The following HMCN2 variants were observed in gnomAD, a reference collection of about 807,000 sequenced individuals.
HMCN2 encodes the protein hemicentin-2.
In HMCN2, 325 loss-of-function variants were observed where a neutral mutation model predicts 377.5. The observed-to-expected ratio is 0.86, with a 90% CI of 0.79 to 0.94. The LOEUF is 0.94. Among genes scored for constraint, HMCN2 ranks in the 40% least tolerant of loss-of-function variants. HMCN2 has a pLI of 0.00. For synonymous variants in HMCN2, 2,007 were observed against 2,046.8 expected (o/e 0.98, Z 0.53); for missense variants, 4,543 against 4,725.3 (o/e 0.96, Z 1.13).
Position 130,306,228 on chromosome 9 carries a change from T to C in HMCN2, c.1916T>C (p.Ile639Thr), listed in dbSNP as rs979218926. The C allele has an allele frequency of 1.1e-5, 5 of 470,446 alleles. No homozygotes were observed. Among genetic ancestry groups the C allele is most frequent in the Non-Finnish European group, 2.2e-5 (5 of 226,888 alleles). The allele number at this position is 470,446 out of a possible 1,614,324, so 29.1% of individuals were successfully genotyped here. A position where few individuals can be genotyped will look rare whatever the true frequency, so the allele number is the denominator to read the frequency against. The change falls in exon 12 of 98, where the codon ATC becomes ACC. Residue 639 changes from isoleucine to threonine, a missense_variant. Physicochemically the swap from Ile to Thr is moderately conservative, Grantham distance 89 (BLOSUM62 -1). Around this residue, in one of 5 missense-constraint regions of HMCN2, gnomAD observed 547 missense variants for 189.9 expected, o/e 2.88. Coordinates refer to ENST00000683500, the MANE Select transcript of HMCN2 (RefSeq NM_001291815.2). ...GCCTCTGGATACCCCACACCCCACA[T>C]CTCCTGGAGCCGTGAGAGCCAAGCC... ...CSASGYPTPH[I>T]SWSRESQALQ...
At chr9:130,297,290 G>C (rs1348182935) in intron 7 of HMCN2, among the ~76,000 whole-genome samples, 1 of 152,142 alleles carries the variant, frequency 6.6e-6, no homozygotes, top group African/African-American at 2.4e-5. Context: ...CCAAGACTGA[G>C]GAAGGTTGGA....
At chr9:130,294,763 G>A (rs1554931309) in intron 4 of HMCN2, 92 bp from the exon 5 acceptor site, 3 of 345,124 alleles carry the variant, frequency 8.7e-6, no homozygotes, top group Admixed American at 3.7e-5. Context: ...GGCCTTGGGC[G>A]ACCTGGAAAG....
intron 4 of HMCN2, among the ~76,000 whole-genome samples, chr9:130,287,710 C>A (rs1464784587): frequency 6.6e-6 from 1 of 152,156 alleles, no homozygotes; most frequent in Non-Finnish European, 1.5e-5. Flanking sequence ...TCCCGATGGC[C>A]ACAGCCTTCC....
chr9:130,389,001 G>A (rs977532103), intron 62 of HMCN2, among the ~76,000 whole-genome samples: 5 of 152,150 alleles, frequency 3.3e-5, no homozygotes, highest in Admixed American at 6.5e-5. Flanking sequence ...CCGTTCCTCC[G>A]CATGACGGCA....
rs1200339171 is a variant in HMCN2 at position 130,394,650 on chromosome 9, G to C, written c.10692+75G>C. The C allele has an allele frequency of 8.7e-7, 1 of 1,143,974 alleles. No homozygotes were observed. Among genetic ancestry groups the C allele is most frequent in the Non-Finnish European group, 1.1e-6 (1 of 886,600 alleles). 70.9% of individuals were successfully genotyped at this position (1,143,974 alleles called of 1,614,324 possible). A position where few individuals can be genotyped will look rare whatever the true frequency, so the allele number is the denominator to read the frequency against. ...AGGGACTGCAGGTTCCCCAGACCCAGTGGGCAGTTGACAAAGTTGGGCTGA... is the reference window on the plus strand; with the variant it reads ...AGGGACTGCAGGTTCCCCAGACCCACTGGGCAGTTGACAAAGTTGGGCTGA... On this transcript the variant is annotated intron_variant, in intron 69 of 97. Transcript: ENST00000683500. The surrounding 1 kb of genome is among the most constrained non-coding windows in gnomAD (Gnocchi z 5.1).
chr9:130,383,445 GGGT>G, intron 56 of HMCN2, 56 bp from the exon 57 acceptor site: 8 of 771,976 alleles, frequency 1.0e-5, no homozygotes, highest in South Asian at 5.9e-5. Flanking sequence ...TCATTCCTGG[GGGT>G]GGTGGTGTCC....
rs961809497 is a variant in HMCN2, at chr9:130,372,284, C to G, written c.7238-10C>G. ...AGCCATGCTTGGGGCCCACGCCCCT[C>G]CCTCCCCAGGTGGCTGGATGCTGAA... On this transcript the variant is annotated splice_polypyrimidine_tract_variant and intron_variant, in intron 46 of 97. Transcript: ENST00000683500. 9.9e-5 allele frequency: 97 copies of G among 977,026 alleles called. No homozygotes were observed. Among genetic ancestry groups the G allele is most frequent in the Non-Finnish European group, 1.1e-4 (94 of 821,964 alleles). 60.5% of individuals were successfully genotyped at this position (977,026 alleles called of 1,614,324 possible). A position where few individuals can be genotyped will look rare whatever the true frequency, so the allele number is the denominator to read the frequency against.
intron 22 of HMCN2, among the ~76,000 whole-genome samples, chr9:130,334,775 C>G: frequency 6.7e-6 from 1 of 149,424 alleles, no homozygotes; most frequent in African/African-American, 2.5e-5. Context: ...CTCTCTCTCT[C>G]TCTCCCTCTT....
Position 130,295,041 on chromosome 9 carries a change from G to C in HMCN2, c.784+15G>C. On this transcript the variant is annotated intron_variant, in intron 5 of 97. Transcript: ENST00000683500. The stretch of plus-strand genomic sequence containing the variant: ...AGATCCGCTGGGTATGGACCACCCC[G>C]GGGCTGGCCTCCTCTTTGGCCCCAA... 2.2e-6 allele frequency: 1 copy of C among 447,330 alleles called. No individual in the cohort carries two copies. Among genetic ancestry groups the C allele is most frequent in the South Asian group, 1.6e-5 (1 of 60,950 alleles). 27.7% of individuals were successfully genotyped at this position (447,330 alleles called of 1,614,324 possible).
chr9:130,304,583 C>A lies in HMCN2; in HGVS notation c.1544-147C>A. The stretch of plus-strand genomic sequence containing the variant: ...CTGATGGTGAGCAGATGCTGGTCAC[C>A]CTATGCTGCTAGCTGACATGTCCTG... On this transcript the variant is annotated intron_variant, in intron 10 of 97. Coordinates refer to ENST00000683500, the MANE Select transcript of HMCN2 (RefSeq NM_001291815.2). The surrounding 1 kb of genome is among the most constrained non-coding windows in gnomAD (Gnocchi z 4.3). 1 of 357,872 alleles carries A rather than the reference C, an allele frequency of 2.8e-6. No individual in the cohort carries two copies. Among genetic ancestry groups the A allele is most frequent in the Non-Finnish European group, 5.6e-6 (1 of 178,316 alleles). 22.2% of individuals were successfully genotyped at this position (357,872 alleles called of 1,614,324 possible).
intron 73 of HMCN2, among the ~76,000 whole-genome samples, chr9:130,397,017 C>T (rs937049755): frequency 1.3e-5 from 2 of 152,206 alleles, no homozygotes; most frequent in Non-Finnish European, 2.9e-5. Context: ...TGACCTTGGC[C>T]TCACAGATGC....
At position 130,391,489 on chromosome 9, in the gene HMCN2, G is replaced by T; in HGVS notation, c.9867G>T (p.Leu3289=). The T allele has an allele frequency of 2.0e-6, 2 of 987,888 alleles. No individual in the cohort carries two copies. Among genetic ancestry groups the T allele is most frequent in the Non-Finnish European group, 2.4e-6 (2 of 830,174 alleles). The allele number at this position is 987,888 out of a possible 1,614,324, so 61.2% of individuals were successfully genotyped here. Reference sequence around the variant, plus strand: ...GCGGCTCCCTGGTGCTAAAAGGCCTGAGGGCCTCGGACGCGGGTGCCTACA... The same window carrying T: ...GCGGCTCCCTGGTGCTAAAAGGCCTTAGGGCCTCGGACGCGGGTGCCTACA... ...LDGGSLVLKG[L]RASDAGAYTC... Residue 3289 remains leucine, a synonymous_variant, in exon 65 of 98, where the codon CTG becomes CTT. Coordinates refer to ENST00000683500, the MANE Select transcript of HMCN2 (RefSeq NM_001291815.2).
At chr9:130,404,635 G>A (rs576039305) in intron 80 of HMCN2, among the ~76,000 whole-genome samples, 29 of 152,374 alleles carry the variant, frequency 1.9e-4, no homozygotes, top group African/African-American at 6.3e-4. Flanking sequence ...GCATGCATGT[G>A]TGTGTGTGTG....
chr9:130,392,526 G>GATGA (rs894034910), intron 66 of HMCN2, among the ~76,000 whole-genome samples: 16 of 152,172 alleles, frequency 1.1e-4, no homozygotes, highest in African/African-American at 3.9e-4. Flanking sequence ...ACTCCAGTGA[G>GATGA]CTCTGAGGGC....
chr9:130,366,575 T>C (rs1008862191), intron 43 of HMCN2, among the ~76,000 whole-genome samples: 17 of 139,706 alleles, frequency 1.2e-4, no homozygotes, highest in Admixed American at 4.1e-4. Context: ...TGCCTCAGCC[T>C]CCTGAGTAGC....
intron 85 of HMCN2, among the ~76,000 whole-genome samples, chr9:130,411,031 CA>C (rs1166010952): frequency 1.3e-5 from 2 of 152,098 alleles, no homozygotes; most frequent in African/African-American, 4.8e-5. Flanking sequence ...TGAAGATGAA[CA>C]CCTGTGGAGA....
intron 59 of HMCN2, 112 bp from the exon 60 acceptor site, chr9:130,385,424 CCTGGGTCTGCGCCAGCCCCCGGGG>C (rs1841968495): frequency 4.5e-6 from 2 of 446,370 alleles, no homozygotes; most frequent in African/African-American, 2.1e-5. Context: ...CTCCACCTCC[CCTGGGTCTGCGCCAGCCCCCGGGG>C]CTGGGTCTGC....
intron 25 of HMCN2, among the ~76,000 whole-genome samples, chr9:130,344,722 C>T (rs934470150): frequency 0.021 from 2,469 of 118,874 alleles, 51 homozygotes; most frequent in Middle Eastern, 0.027. Flanking sequence ...GTGTGTGGTG[C>T]GTATGTGTGA....
chr9:130,392,206 G>A, intron 66 of HMCN2, 88 bp downstream of exon 66: 1 of 933,362 alleles, frequency 1.1e-6, no homozygotes, highest in Non-Finnish European at 1.3e-6. Context: ...TGGAAGCCAG[G>A]ACTGGCTGCA....
Sources: allele counts gnomAD v4.1 joint callset (sites outside exome capture counted in the v4.1 genomes callset), GRCh38; gene constraint gnomAD v4.1.1; regional missense constraint gnomAD v4.1.1; non-coding constraint Gnocchi (gnomAD v3.1); transcripts MANE v1.5; gene names NCBI Gene and HGNC (gene_info 2026-07-23, HGNC 2026-07-21).